Variants in DSCAML1 observed in about 807,000 individuals in gnomAD.
DSCAML1 encodes DS cell adhesion molecule like 1, also known as cell adhesion molecule DSCAML1.
DSCAML1 carries 38 observed loss-of-function variants against 200.5 expected under a neutral mutation model. The ratio of observed to expected loss-of-function variants is 0.19; its 90% CI spans 0.15 to 0.25. DSCAML1 has a LOEUF of 0.25. Among genes scored for constraint, DSCAML1 ranks in the 10% least tolerant of loss-of-function variants. The pLI is 1.00. For missense variants in DSCAML1, 2,223 were observed against 2,858.8 expected, an observed-to-expected ratio of 0.78 and a Z score of 5.07; for synonymous variants, 1,215 against 1,165.0, an observed-to-expected ratio of 1.04 and a Z score of -0.87.
At chr11:117,641,871 T>A (rs10450624) in intron 3 of DSCAML1, among the ~76,000 whole-genome samples, 1 of 152,114 alleles carries the variant, frequency 6.6e-6, no homozygotes, top group Non-Finnish European at 1.5e-5. Context: ...AGGCCCTTCA[T>A]GGTGCTGAGA....
At chr11:117,629,633 A>T (rs1303346938) in intron 3 of DSCAML1, among the ~76,000 whole-genome samples, 1 of 152,108 alleles carries the variant, frequency 6.6e-6, no homozygotes, top group African/African-American at 2.4e-5. Context: ...AGACTCAGAG[A>T]CAGTCAGGGA....
chr11:117,809,961 TCACA>T (rs149454145), intron 1 of DSCAML1, among the ~76,000 whole-genome samples: 2 of 149,702 alleles, frequency 1.3e-5, no homozygotes, highest in East Asian at 3.9e-4. Flanking sequence ...ATTCACACAC[TCACA>T]CATTCACACA....
chr11:117,718,957 A>G (rs2054002089), intron 3 of DSCAML1, among the ~76,000 whole-genome samples: 1 of 152,138 alleles, frequency 6.6e-6, no homozygotes, highest in African/African-American at 2.4e-5. Context: ...GACAAAACTT[A>G]AAGGGAAGAG....
chr11:117,778,322 A>G (rs529455685), intron 2 of DSCAML1, among the ~76,000 whole-genome samples: 10 of 152,172 alleles, frequency 6.6e-5, no homozygotes, highest in Non-Finnish European at 1.2e-4. Flanking sequence ...AACAAGGGGA[A>G]TGGACCCTGG....
chr11:117,729,279 A>T (rs1421345884), intron 3 of DSCAML1, among the ~76,000 whole-genome samples: 2 of 152,248 alleles, frequency 1.3e-5, no homozygotes, highest in Non-Finnish European at 2.9e-5. Flanking sequence ...CTCAATATGT[A>T]TCAAAGACTT....
chr11:117,726,477 TG>T lies in DSCAML1; in HGVS notation c.511+50313del, dbSNP rs2054133870. Among the ~76,000 whole-genome samples, 5 of 152,086 alleles carry T rather than the reference TG, an allele frequency of 3.3e-5. No individual in the cohort carries two copies. In the South Asian group the frequency reaches 1.0e-3, roughly 32 times the overall value. On this transcript the variant is annotated intron_variant, in intron 3 of 32. Transcript: ENST00000651296. ...AATGTTTATATAAATATAAGGTCAG[TG>T]GGTAACTCCTGACCTAAGCAAAGGG...
chr11:117,729,409 A>G (rs1000907200), intron 3 of DSCAML1, among the ~76,000 whole-genome samples: 2 of 152,234 alleles, frequency 1.3e-5, no homozygotes, highest in Non-Finnish European at 2.9e-5. Context: ...ACAAAAGAAA[A>G]AAAATGGGTA....
intron 21 of DSCAML1, among the ~76,000 whole-genome samples, chr11:117,441,613 G>A (rs2048050993): frequency 1.3e-5 from 2 of 152,154 alleles, no homozygotes; most frequent in Non-Finnish European, 2.9e-5. Flanking sequence ...GGAACCAAGT[G>A]CCCAAGTGCC....
intron 3 of DSCAML1, among the ~76,000 whole-genome samples, chr11:117,606,237 C>G (rs1246402776): frequency 6.6e-6 from 1 of 152,078 alleles, no homozygotes; most frequent in Non-Finnish European, 1.5e-5. Context: ...ATATTTTCCC[C>G]CTGAGGACCA....
chr11:117,782,467 C>T (rs1162941006), intron 1 of DSCAML1, among the ~76,000 whole-genome samples: 3 of 152,140 alleles, frequency 2.0e-5, no homozygotes, highest in Admixed American at 6.5e-5. Context: ...CACATGGCCT[C>T]GCCATTCTCC....
intron 11 of DSCAML1, among the ~76,000 whole-genome samples, chr11:117,483,388 C>T (rs1048698856): frequency 1.1e-4 from 16 of 152,192 alleles, no homozygotes; most frequent in Admixed American, 3.3e-4. Context: ...TTAACTTTGA[C>T]TGAGGGGCAT....
chr11:117,667,377 A>G (rs1207290697), intron 3 of DSCAML1, among the ~76,000 whole-genome samples: 1 of 152,118 alleles, frequency 6.6e-6, no homozygotes, highest in Non-Finnish European at 1.5e-5. Flanking sequence ...GCACCACTGC[A>G]CTCCAGCCTG....
chr11:117,441,422 G>A (rs2048044969), intron 21 of DSCAML1, among the ~76,000 whole-genome samples: 1 of 152,200 alleles, frequency 6.6e-6, no homozygotes, highest in African/African-American at 2.4e-5. Context: ...GACTGACAGG[G>A]AAGTGACCAA....
chr11:117,601,192 A>C (rs147567235), intron 3 of DSCAML1, among the ~76,000 whole-genome samples: 231 of 148,938 alleles, frequency 1.6e-3, no homozygotes, highest in African/African-American at 4.3e-3. Flanking sequence ...CAAATAAACT[A>C]CAGTGAGCTA....
intron 3 of DSCAML1, among the ~76,000 whole-genome samples, chr11:117,535,190 A>C (rs1397907622): frequency 6.6e-6 from 1 of 152,076 alleles, no homozygotes; most frequent in Non-Finnish European, 1.5e-5. Flanking sequence ...GGGAGGAGGG[A>C]GGCACCCCCG....
chr11:117,683,828 G>A (rs2053353404), intron 3 of DSCAML1, among the ~76,000 whole-genome samples: 1 of 152,158 alleles, frequency 6.6e-6, no homozygotes. Context: ...TAGGCAGTAT[G>A]GAATAAATGT....
intron 3 of DSCAML1, among the ~76,000 whole-genome samples, chr11:117,678,530 G>A (rs1407865514): frequency 6.6e-6 from 1 of 152,230 alleles, no homozygotes; most frequent in East Asian, 1.9e-4. Flanking sequence ...TACCATGGAA[G>A]GGGCGTTGAG....
intron 3 of DSCAML1, among the ~76,000 whole-genome samples, chr11:117,653,151 A>C (rs1005772814): frequency 7.2e-5 from 11 of 152,124 alleles, no homozygotes; most frequent in African/African-American, 2.7e-4. Flanking sequence ...TACCCAAAAC[A>C]ACAAGGAGAG....
intron 3 of DSCAML1, among the ~76,000 whole-genome samples, chr11:117,552,283 T>A (rs2050482324): frequency 6.6e-6 from 1 of 152,160 alleles, no homozygotes; most frequent in East Asian, 1.9e-4. Context: ...TTGACTCTCC[T>A]GCTTTGACCT....
Sources: gnomAD v4.1 joint callset for allele counts (sites outside exome capture counted in the v4.1 genomes callset) on GRCh38, gnomAD v4.1.1 for gene constraint, MANE v1.5 for transcripts, NCBI Gene and HGNC (gene_info 2026-07-23, HGNC 2026-07-21) for gene names.